ADGRV1: variants seen among roughly 807,000 people sequenced by gnomAD.
ADGRV1 encodes adhesion G protein-coupled receptor V1.
ADGRV1 carries 359 observed loss-of-function variants against 596.2 expected under a neutral mutation model. That is an observed-to-expected ratio of 0.60 (90% CI 0.55 to 0.66). The LOEUF is 0.66. Ranked by LOEUF, ADGRV1 falls within the 30% of genes least tolerant of loss-of-function variation. The pLI is 0.00. For missense variants in ADGRV1, 7,274 were observed against 7,575.6 expected (o/e 0.96, Z 1.48); for synonymous variants, 2,681 against 2,679.2 (o/e 1.00, Z -0.02).
chr5:90,691,753 A>G (rs946861159), intron 31 of ADGRV1, among the ~76,000 whole-genome samples: 1 of 152,118 alleles, frequency 6.6e-6, no homozygotes, highest in Non-Finnish European at 1.5e-5. Flanking sequence ...GTCAATCTTA[A>G]GTATTATTGT....
intron 83 of ADGRV1, among the ~76,000 whole-genome samples, chr5:90,865,825 T>A (rs1030247652): frequency 2.0e-4 from 30 of 152,162 alleles, no homozygotes; most frequent in Admixed American, 1.7e-3. Context: ...TACAGTAAGT[T>A]GGGCTCCCAC....
chr5:90,912,216 A>G (rs1013523610), intron 83 of ADGRV1, among the ~76,000 whole-genome samples: 2 of 152,100 alleles, frequency 1.3e-5, no homozygotes, highest in Non-Finnish European at 2.9e-5. Flanking sequence ...CAGTGGTGAA[A>G]GCAGAAAGGC....
chr5:90,771,621 C>T (rs2150051694), intron 59 of ADGRV1, among the ~76,000 whole-genome samples: 1 of 152,256 alleles, frequency 6.6e-6, no homozygotes, highest in Non-Finnish European at 1.5e-5. Flanking sequence ...ACCTTTTCTA[C>T]ATCATAGAAT....
intron 78 of ADGRV1, among the ~76,000 whole-genome samples, chr5:90,847,822 C>T (rs1445926267): frequency 6.6e-6 from 1 of 152,188 alleles, no homozygotes; most frequent in Non-Finnish European, 1.5e-5. Context: ...CTGGTTCCCG[C>T]CCTGGTTCCC....
chr5:90,967,624 A>G (rs1299486231), intron 84 of ADGRV1, among the ~76,000 whole-genome samples: 1 of 152,144 alleles, frequency 6.6e-6, no homozygotes, highest in Non-Finnish European at 1.5e-5. Flanking sequence ...CATTACTTGG[A>G]TGAAAACACA....
intron 33 of ADGRV1, among the ~76,000 whole-genome samples, chr5:90,695,558 AAG>A (rs1747083560): frequency 2.0e-5 from 3 of 152,138 alleles, no homozygotes; most frequent in Admixed American, 1.3e-4. Context: ...AAATGCAGGA[AAG>A]AAACTTTGTT....
At chr5:90,884,813 C>T (rs1256861675) in intron 83 of ADGRV1, among the ~76,000 whole-genome samples, 3 of 152,158 alleles carry the variant, frequency 2.0e-5, no homozygotes, top group East Asian at 1.9e-4. Flanking sequence ...GGGTTTAGCA[C>T]TGAAAGTTCT....
chr5:91,009,449 A>G (rs2151139589), intron 85 of ADGRV1, among the ~76,000 whole-genome samples: 1 of 152,268 alleles, frequency 6.6e-6, no homozygotes, highest in East Asian at 1.9e-4. Context: ...TAACAGAATG[A>G]CTTACTGTTA....
chr5:90,823,042 G>T (rs1581236195), intron 75 of ADGRV1, among the ~76,000 whole-genome samples: 1 of 152,022 alleles, frequency 6.6e-6, no homozygotes, highest in Non-Finnish European at 1.5e-5. Flanking sequence ...GAGATGATGG[G>T]GTTTTCTAAA....
intron 63 of ADGRV1, 87 bp from the exon 64 acceptor site, chr5:90,778,778 A>G: frequency 1.7e-6 from 2 of 1,183,266 alleles, no homozygotes; most frequent in Admixed American, 2.3e-5. Flanking sequence ...TTTTAACACA[A>G]TCCTGGTAAA....
intron 83 of ADGRV1, among the ~76,000 whole-genome samples, chr5:90,949,891 G>A (rs1776914868): frequency 6.6e-6 from 1 of 152,170 alleles, no homozygotes; most frequent in Non-Finnish European, 1.5e-5. Flanking sequence ...ACAGTACAGA[G>A]TGCTCTGATG....
intron 83 of ADGRV1, among the ~76,000 whole-genome samples, chr5:90,934,471 T>C (rs1446558704): frequency 6.6e-6 from 1 of 152,190 alleles, no homozygotes; most frequent in Non-Finnish European, 1.5e-5. Flanking sequence ...TCAGCTCCTT[T>C]TAGCAACCTG....
chr5:90,873,801 A>C (rs915417166), intron 83 of ADGRV1, among the ~76,000 whole-genome samples: 19 of 92,534 alleles, frequency 2.1e-4, no homozygotes, highest in Non-Finnish European at 3.6e-4. Flanking sequence ...TTAAAAAAAG[A>C]AAGGAAAAAA....
At chr5:91,152,050 C>A (rs866182625) in intron 88 of ADGRV1, among the ~76,000 whole-genome samples, 1 of 152,212 alleles carries the variant, frequency 6.6e-6, no homozygotes. Context: ...CTGTAACAGT[C>A]CAATTCTTGG....
intron 1 of ADGRV1, among the ~76,000 whole-genome samples, chr5:90,584,473 T>G (rs746815795): frequency 6.6e-6 from 1 of 152,222 alleles, no homozygotes; most frequent in Non-Finnish European, 1.5e-5. Context: ...AAATAACCAC[T>G]TGTTTTGCTC....
At position 90,766,786 on chromosome 5, in the gene ADGRV1, A is replaced by G. The variant is rs539710364; in HGVS notation, c.12285+3317A>G. 7.2e-5 allele frequency among the ~76,000 whole-genome samples: 11 copies of G among 152,326 alleles called. No homozygotes were observed. In the East Asian group the frequency reaches 1.9e-3, roughly 27 times the overall value. ...TACAGATCTGTTTCTTTATGTCTTC[A>G]TCAGCATGAGCCTGAGAACCTTGGC... On this transcript the variant is annotated intron_variant, in intron 59 of 89. Transcript: ENST00000405460.
At chr5:91,049,686 T>C (rs1203523620) in intron 85 of ADGRV1, among the ~76,000 whole-genome samples, 1 of 152,204 alleles carries the variant, frequency 6.6e-6, no homozygotes, top group East Asian at 1.9e-4. Context: ...AAATGAATTT[T>C]CATAAGAAAA....
At chr5:90,939,316 A>G (rs2150852460) in intron 83 of ADGRV1, among the ~76,000 whole-genome samples, 1 of 152,304 alleles carries the variant, frequency 6.6e-6, no homozygotes, top group South Asian at 2.1e-4. Context: ...GTTTTAGGGT[A>G]TTAGTTTTCA....
chr5:90,616,241 T>C (rs1414554643), intron 2 of ADGRV1, among the ~76,000 whole-genome samples: 1 of 152,096 alleles, frequency 6.6e-6, no homozygotes, highest in Non-Finnish European at 1.5e-5. Context: ...ATATTTTTTC[T>C]AGTAGCTTAA....
Sources: gnomAD v4.1 joint callset for allele counts (sites outside exome capture counted in the v4.1 genomes callset) on GRCh38, gnomAD v4.1.1 for gene constraint, MANE v1.5 for transcripts, NCBI Gene and HGNC (gene_info 2026-07-23, HGNC 2026-07-21) for gene names.